UBASH3A: variants seen among roughly 807,000 people sequenced by gnomAD.
UBASH3A encodes ubiquitin associated and SH3 domain containing A.
In UBASH3A, 63 loss-of-function variants were observed where a neutral mutation model predicts 73.5. The ratio of observed to expected loss-of-function variants is 0.86; its 90% confidence interval spans 0.70 to 1.06. UBASH3A has a LOEUF of 1.06. UBASH3A is among the 50% of genes least tolerant of loss of function. UBASH3A has a pLI of 0.00. For synonymous variants in UBASH3A, 363 were observed against 351.1 expected (o/e 1.03, Z -0.38); for missense variants, 860 against 859.0 (o/e 1.00, Z -0.02).
intron 11 of UBASH3A, 23 bp from the exon 12 acceptor site, chr21:42,442,429 C>T (rs1474496988): frequency 6.2e-7 from 1 of 1,609,712 alleles, no homozygotes; most frequent in Non-Finnish European, 8.5e-7. Flanking sequence ...GGATGATAAA[C>T]ACTTGTATTC....
intron 5 of UBASH3A, among the ~76,000 whole-genome samples, chr21:42,415,581 G>A (rs768581679): frequency 4.6e-5 from 7 of 152,186 alleles, no homozygotes; most frequent in Non-Finnish European, 5.9e-5. Context: ...GGCAGGGTAC[G>A]TCTGTGCACC....
At chr21:42,424,651 G>T (rs2053403525) in intron 7 of UBASH3A, among the ~76,000 whole-genome samples, 1 of 152,152 alleles carries the variant, frequency 6.6e-6, no homozygotes, top group South Asian at 2.1e-4. Context: ...AGACACAGCA[G>T]ATTACTTCAA....
At chr21:42,442,734 A>G (rs752012594) in intron 12 of UBASH3A, 138 bp downstream of exon 12, 1 of 930,918 alleles carries the variant, frequency 1.1e-6, no homozygotes, top group Non-Finnish European at 1.6e-6. Context: ...CAGGGGAGAG[A>G]GGTGGGGCTC....
chr21:42,410,120 C>CGGCT (rs2053059788), intron 3 of UBASH3A: 2 of 702,304 alleles, frequency 2.8e-6, no homozygotes, highest in Non-Finnish European at 5.2e-6. Context: ...TCTCAGGGAC[C>CGGCT]AGCCGTCTGA....
At position 42,442,583 on chromosome 21, in the gene UBASH3A, G is replaced by A. The variant is rs758983294; in HGVS notation, c.1618G>A (p.Asp540Asn). Reference sequence around the variant, plus strand: ...GCTGAAAGAGGCAAATTTCAACATTGACACTGATTACAGGTATGCTGTTCT... The same window carrying A: ...GCTGAAAGAGGCAAATTTCAACATTAACACTGATTACAGGTATGCTGTTCT... ...EELKEANFNIDTDYRPAFPLS... is the reference protein window; with the variant it reads ...EELKEANFNINTDYRPAFPLS... The change falls in exon 12 of 15, where the codon GAC becomes AAC. Residue 540 changes from aspartate (D) to asparagine (N), a missense_variant. Asp to Asn is a conservative substitution (Grantham distance 23, BLOSUM62 1). Coordinates refer to ENST00000319294, the MANE Select transcript of UBASH3A (RefSeq NM_018961.4). The A allele has an allele frequency of 1.2e-6, 2 of 1,613,670 alleles. No individual in the cohort carries two copies. Among genetic ancestry groups the A allele is most frequent in the East Asian group, 2.2e-5 (1 of 44,894 alleles).
chr21:42,416,660 C>A lies in UBASH3A; in HGVS notation c.837+49C>A, dbSNP rs538509440. ...ATAAGAAGCAGATGAATGGGCTGGG[C>A]TCGGTGGCTCACGCCTGTAATCCCA... On this transcript the variant is annotated intron_variant, in intron 6 of 14. Coordinates refer to ENST00000319294, the MANE Select transcript of UBASH3A (RefSeq NM_018961.4). 15 of 1,431,820 alleles carry A rather than the reference C, an allele frequency of 1.0e-5. No individual in the cohort carries two copies. The African/African-American group carries it at 1.6e-4, about 16-fold the overall frequency. The allele number at this position is 1,431,820 out of a possible 1,614,324, so 88.7% of individuals were successfully genotyped here.
intron 12 of UBASH3A, 62 bp from the exon 13 acceptor site, chr21:42,443,250 C>G: frequency 1.3e-6 from 2 of 1,527,798 alleles, no homozygotes; most frequent in Non-Finnish European, 1.8e-6. Flanking sequence ...CTAACTGCAG[C>G]TGAGCCTTCC....
chr21:42,416,957 C>CA, intron 6 of UBASH3A, among the ~76,000 whole-genome samples: 1 of 151,804 alleles, frequency 6.6e-6, no homozygotes, highest in South Asian at 2.1e-4. Flanking sequence ...AGTGAACGGC[C>CA]ACTCACCTGA....
At chr21:42,443,605 C>T (rs977561398) in intron 13 of UBASH3A, among the ~76,000 whole-genome samples, 187 bp downstream of exon 13, 5 of 151,824 alleles carry the variant, frequency 3.3e-5, no homozygotes, top group African/African-American at 1.2e-4. Flanking sequence ...TGCACAGACA[C>T]ACACTCCCCT....
Position 42,437,492 on chromosome 21 carries a change from C to T in UBASH3A, c.1398C>T (p.Asp466=), listed in dbSNP as rs17114930. The T allele has an allele frequency of 1.3e-4, 203 of 1,613,942 alleles. No individual in the cohort carries two copies. The East Asian group carries it at 1.4e-3, about 11-fold the overall frequency. ...CGIFQSRIAG[D]ALLDSGIRIS... ...GCCTTTTTCACTATTTTCCAGGGGA[C>T]GCGCTACTGGACAGTGGTATCAGAA... is the stretch of plus-strand genomic sequence containing the variant. The change falls in exon 11 of 15, where the codon GAC becomes GAT. Residue 466 remains aspartate (D), a synonymous_variant. Transcript: ENST00000319294.
intron 3 of UBASH3A, 35 bp from the exon 4 acceptor site, chr21:42,412,989 G>T (rs754613396): frequency 6.5e-7 from 1 of 1,540,444 alleles, no homozygotes; most frequent in African/African-American, 1.4e-5. Context: ...CTGATGAGAG[G>T]TGTGGAAACA....
At chr21:42,418,946 GA>G (rs2053279491) in intron 7 of UBASH3A, among the ~76,000 whole-genome samples, 1 of 152,180 alleles carries the variant, frequency 6.6e-6, no homozygotes, top group African/African-American at 2.4e-5. Flanking sequence ...CTCCGTGTAT[GA>G]AATGTAAAGT....
At chr21:42,411,484 TACAC>T (rs1292550892) in intron 3 of UBASH3A, among the ~76,000 whole-genome samples, 3 of 149,528 alleles carry the variant, frequency 2.0e-5, no homozygotes, top group Non-Finnish European at 4.4e-5. Context: ...TGCACACAGA[TACAC>T]ACATGCATAC....
In UBASH3A at chr21:42,413,505, C is replaced by T. The variant is rs778240042; in HGVS notation, c.649C>T (p.His217Tyr). 4 of 1,613,422 alleles carry T rather than the reference C, an allele frequency of 2.5e-6. No individual in the cohort carries two copies. The highest frequency in any genetic ancestry group is 1.3e-5 in the African/African-American group (1 of 74,916). ...TTTAACTAGAGCCTCCTTCGTGAGC[C>T]ACTACATCCTTCAAAAATGTAAGCC... ...SNLTRASFVS[H>Y]YILQKYCSVK... Residue 217 changes from histidine (H) to tyrosine (Y), a missense_variant, in exon 5 of 15, where the codon CAC (histidine) becomes TAC (tyrosine). Coordinates refer to ENST00000319294, the MANE Select transcript of UBASH3A (RefSeq NM_018961.4). The surrounding 1 kb of genome is among the most constrained non-coding windows in gnomAD (Gnocchi z 4.5).
At chr21:42,431,090 T>C (rs1233748377) in intron 8 of UBASH3A, among the ~76,000 whole-genome samples, 2 of 152,168 alleles carry the variant, frequency 1.3e-5, no homozygotes, top group Non-Finnish European at 2.9e-5. Context: ...CCCCTAGCAC[T>C]CTGCTCTCTG....
chr21:42,406,927 T>C lies in UBASH3A; in HGVS notation c.167+566T>C, dbSNP rs550654351. Reference sequence around the variant, plus strand: ...ATTGATGGAAAGATTTGAGACATAATTGACATCTTTGCTGATAGAGACTAG... The same window carrying C: ...ATTGATGGAAAGATTTGAGACATAACTGACATCTTTGCTGATAGAGACTAG... On this transcript the variant is annotated intron_variant, in intron 2 of 14. Transcript: ENST00000319294. Among the ~76,000 whole-genome samples, 238 of 152,286 alleles carry C rather than the reference T, an allele frequency of 1.6e-3. 1 individual carries two copies. The highest frequency in any genetic ancestry group is 5.4e-3 in the African/African-American group (226 of 41,550).
At position 42,438,910 on chromosome 21, in the gene UBASH3A, G is replaced by A. The variant is rs189746251; in HGVS notation, c.1486+1330G>A. On this transcript the variant is annotated intron_variant, in intron 11 of 14. Coordinates refer to ENST00000319294, the MANE Select transcript of UBASH3A (RefSeq NM_018961.4). ...GGGGCCATGGAGGAGCCATCCCGCA[G>A]ATGGTGGTCTTGCTGGGACTTGCAC... Among the ~76,000 whole-genome samples the A allele has an allele frequency of 3.3e-5, 5 of 152,118 alleles. No individual in the cohort carries two copies. In the East Asian group the frequency reaches 9.6e-4, roughly 29 times the overall value.
chr21:42,419,814 A>G (rs1451512136), intron 7 of UBASH3A, among the ~76,000 whole-genome samples: 1 of 152,234 alleles, frequency 6.6e-6, no homozygotes, highest in Non-Finnish European at 1.5e-5. Context: ...TTTCAGTACA[A>G]CATTCAACGA....
chr21:42,429,829 A>G (rs568089273), intron 8 of UBASH3A, among the ~76,000 whole-genome samples: 2 of 152,138 alleles, frequency 1.3e-5, no homozygotes, highest in African/African-American at 4.8e-5. Context: ...AATACTATTC[A>G]CTTGGCCTTA....
Sources: gnomAD v4.1 joint callset for allele counts (sites outside exome capture counted in the v4.1 genomes callset) on GRCh38, gnomAD v4.1.1 for gene constraint, Gnocchi (gnomAD v3.1) non-coding constraint, MANE v1.5 for transcripts, NCBI Gene and HGNC (gene_info 2026-07-23, HGNC 2026-07-21) for gene names.